The following SERHL2 variants were observed in gnomAD, a reference collection of about 807,000 sequenced individuals.
The protein encoded by SERHL2 is serine hydrolase like 2.
In SERHL2, 29 loss-of-function variants were observed where a neutral mutation model predicts 25.5. That is an observed-to-expected ratio of 1.14 (90% CI 0.85 to 1.55). The LOEUF (loss-of-function observed/expected upper bound fraction) is 1.55. Ranked by LOEUF, SERHL2 falls within the 40% of genes most tolerant of loss-of-function variation. The pLI, the probability that SERHL2 is intolerant of heterozygous loss-of-function variation, is 0.00. For synonymous variants in SERHL2, 95 were observed against 103.5 expected, an observed-to-expected ratio of 0.92 and a Z score of 0.50; for missense variants, 240 against 252.3, an observed-to-expected ratio of 0.95 and a Z score of 0.33.
chr22:42,564,959 G>GGC (rs67794471), intron 8 of SERHL2: 4,304 of 144,582 alleles, frequency 0.03, 209 homozygotes, highest in African/African-American at 0.11. Context: ...CACCATGCTC[G>GGC]GCGCGCGCGT....
chr22:42,572,492 C>A lies in SERHL2; in HGVS notation c.788C>A (p.Ser263Ter), dbSNP rs372761927. 2 of 1,611,696 alleles carry A rather than the reference C, an allele frequency of 1.2e-6. No individual in the cohort carries two copies. The highest frequency in any genetic ancestry group is 1.1e-5 in the South Asian group (1 of 91,002). The change falls in exon 11 of 12, where the codon TCG (serine) becomes TAG (stop). Residue 263 changes from serine (S) to a stop codon, truncating the protein, a stop_gained. Coordinates refer to ENST00000327678, the MANE Select transcript of SERHL2 (RefSeq NM_014509.5). LOFTEE classifies it low-confidence loss of function (END_TRUNC). ...AATTACTCTGAGAAGGAGTCCCTGT[C>A]GTTCATGATAGACACGATGAAATCC... is the stretch of plus-strand genomic sequence containing the variant. ...RQNYSEKESL[S>*]FMIDTMKSTL...
chr22:42,573,773 C>T (rs887023718), intron 11 of SERHL2, 163 bp from the exon 12 acceptor site: 4 of 733,614 alleles, frequency 5.5e-6, no homozygotes, highest in Non-Finnish European at 9.4e-6. Flanking sequence ...GTGCTATGGA[C>T]TGTCGGGGCT....
intron 10 of SERHL2, among the ~76,000 whole-genome samples, chr22:42,572,095 G>A (rs977902310): frequency 2.0e-5 from 3 of 152,086 alleles, no homozygotes; most frequent in Non-Finnish European, 2.9e-5. Context: ...CGGGAGGATT[G>A]TGAAGACATA....
chr22:42,569,314 G>C (rs1022269196), intron 9 of SERHL2: 1 of 151,524 alleles, frequency 6.6e-6, no homozygotes, highest in African/African-American at 2.4e-5. Flanking sequence ...GGTGGAGTGC[G>C]GTGGCCCGAG....
At chr22:42,573,325 G>A (rs1391350266) in intron 11 of SERHL2, 1 of 148,546 alleles carries the variant, frequency 6.7e-6, no homozygotes, top group Non-Finnish European at 1.5e-5. Context: ...CTCACTCCAA[G>A]TTCCACCTCC....
chr22:42,554,624 C>G (rs1922005206), intron 1 of SERHL2, among the ~76,000 whole-genome samples: 1 of 152,116 alleles, frequency 6.6e-6, no homozygotes, highest in Non-Finnish European at 1.5e-5. Flanking sequence ...ACCCAGCCAG[C>G]AAGTGATGGG....
intron 9 of SERHL2, among the ~76,000 whole-genome samples, chr22:42,570,753 C>A (rs563877911): frequency 6.6e-6 from 1 of 152,108 alleles, no homozygotes; most frequent in Non-Finnish European, 1.5e-5. Context: ...AGCCTATGGA[C>A]TGGGAAAGGG....
chr22:42,573,083 C>G (rs1601864241), intron 11 of SERHL2, among the ~76,000 whole-genome samples: 1 of 151,846 alleles, frequency 6.6e-6, no homozygotes, highest in Non-Finnish European at 1.5e-5. Flanking sequence ...GCTTTTCCCC[C>G]AGGTTCCTGG....
At chr22:42,567,754 G>C (rs1293683851) in intron 9 of SERHL2, among the ~76,000 whole-genome samples, 1 of 150,034 alleles carries the variant, frequency 6.7e-6, no homozygotes, top group Non-Finnish European at 1.5e-5. Flanking sequence ...TATTGATACA[G>C]AGTCTCGCTC....
At chr22:42,571,631 G>A (rs1320958210) in intron 10 of SERHL2, 6 of 244,290 alleles carry the variant, frequency 2.5e-5, no homozygotes, top group South Asian at 2.0e-4. Context: ...TCGCCATGTT[G>A]GCCAGGCTGC....
chr22:42,568,921 G>A (rs978230995), intron 9 of SERHL2, among the ~76,000 whole-genome samples: 2 of 151,488 alleles, frequency 1.3e-5, no homozygotes, highest in African/African-American at 2.4e-5. Context: ...AGCTGAGATC[G>A]CCCAGGCTGG....
chr22:42,559,525 C>T (rs968677441), intron 7 of SERHL2, among the ~76,000 whole-genome samples: 3 of 151,614 alleles, frequency 2.0e-5, no homozygotes, highest in Non-Finnish European at 2.9e-5. Context: ...GATGGTGAAA[C>T]CCTGTGTCTA....
intron 8 of SERHL2, chr22:42,565,292 T>A (rs137034): frequency 0.14 from 21,658 of 150,392 alleles, 1,842 homozygotes; most frequent in African/African-American, 0.2. Flanking sequence ...TGGCGATCAA[T>A]GGGGTGACAG....
chr22:42,568,021 T>C (rs945393368), intron 9 of SERHL2, among the ~76,000 whole-genome samples: 8 of 150,894 alleles, frequency 5.3e-5, no homozygotes, highest in African/African-American at 1.9e-4. Flanking sequence ...TGAGCCACAG[T>C]GTTCGGTCTA....
chr22:42,554,087 C>T, intron 1 of SERHL2, 45 bp downstream of exon 1: 1 of 1,604,458 alleles, frequency 6.2e-7, no homozygotes, highest in Non-Finnish European at 8.5e-7. Flanking sequence ...GCCCACCCAC[C>T]TGGTTGGGAC....
At position 42,559,439 on chromosome 22, in the gene SERHL2, T is replaced by C. The variant is rs137024; in HGVS notation, c.534-747T>C. Among the ~76,000 whole-genome samples the C allele has an allele frequency of 7.3e-5, 11 of 151,318 alleles. 1 individual carries two copies. Among genetic ancestry groups the C allele is most frequent in the South Asian group, 4.2e-4 (2 of 4,778 alleles). On this transcript the variant is annotated intron_variant, in intron 7 of 11. Transcript: ENST00000327678. ...TACAAGGTCCAGGCACGGTGGCTCA[T>C]GCCTGTAATCCCAGCACTTTGGAAG...
chr22:42,560,984 G>T (rs1922612926), intron 8 of SERHL2, among the ~76,000 whole-genome samples: 1 of 151,890 alleles, frequency 6.6e-6, no homozygotes, highest in Non-Finnish European at 1.5e-5. Context: ...TCTCTCAGTG[G>T]GGCCAGACCT....
In SERHL2 at chr22:42,554,016, G is replaced by C; in HGVS notation, c.-5G>C. 1.2e-6 allele frequency: 2 copies of C among 1,613,608 alleles called. No individual in the cohort carries two copies. Among genetic ancestry groups the C allele is most frequent in the South Asian group, 1.1e-5 (1 of 91,046 alleles). ...TGACAGCAGCGCATTCGCGGGACGA[G>C]AGCGATGAGTGAGAACGCCGCACCA... On this transcript the variant is annotated 5_prime_UTR_variant, in exon 1 of 12. Coordinates refer to ENST00000327678, the MANE Select transcript of SERHL2 (RefSeq NM_014509.5).
chr22:42,562,896 G>A (rs1167932762), intron 8 of SERHL2, among the ~76,000 whole-genome samples: 2 of 152,038 alleles, frequency 1.3e-5, no homozygotes, highest in Non-Finnish European at 2.9e-5. Flanking sequence ...GGGACAGTCT[G>A]TGTCAGTCTG....
Sources: gnomAD v4.1 joint callset for allele counts (sites outside exome capture counted in the v4.1 genomes callset) on GRCh38, gnomAD v4.1.1 for gene constraint, MANE v1.5 for transcripts, NCBI Gene and HGNC (gene_info 2026-07-23, HGNC 2026-07-21) for gene names.